PRKAR1B: variants seen among roughly 807,000 people sequenced by gnomAD.
PRKAR1B encodes the protein cAMP-dependent protein kinase type I-beta regulatory subunit.
A neutral mutation model predicts 46.5 loss-of-function variants in PRKAR1B; 22 were observed. That is an observed-to-expected ratio of 0.47 (90% CI 0.34 to 0.68). The LOEUF (loss-of-function observed/expected upper bound fraction) is 0.68. PRKAR1B is among the 30% of genes least tolerant of loss of function. PRKAR1B has a pLI of 0.01. For missense variants in PRKAR1B, 445 were observed against 535.6 expected (o/e 0.83, Z 1.67); for synonymous variants, 259 against 217.7 (o/e 1.19, Z -1.67).
intron 9 of PRKAR1B, among the ~76,000 whole-genome samples, chr7:576,352 C>G (rs1346569784): frequency 6.6e-6 from 1 of 152,190 alleles, no homozygotes; most frequent in African/African-American, 2.4e-5. Context: ...TTCATCCTTT[C>G]CCTCCTCCTT....
chr7:717,879 G>C (rs1780934903), intron 1 of PRKAR1B, among the ~76,000 whole-genome samples: 1 of 152,076 alleles, frequency 6.6e-6, no homozygotes, highest in South Asian at 2.1e-4. Context: ...AGTGTGTGTA[G>C]GTCCTGAGGC....
intron 8 of PRKAR1B, among the ~76,000 whole-genome samples, chr7:584,142 C>G (rs1235920555): frequency 6.6e-6 from 1 of 152,152 alleles, no homozygotes; most frequent in Non-Finnish European, 1.5e-5. Context: ...CCAGCTCACA[C>G]GTGTACCGGG....
chr7:579,461 G>A (rs565438520), intron 8 of PRKAR1B, 84 bp from the exon 9 acceptor site: 181 of 1,557,432 alleles, frequency 1.2e-4, no homozygotes, highest in South Asian at 4.7e-4. Flanking sequence ...CGCTCTTCCC[G>A]AAAGGTGTCC....
chr7:692,741 G>T (rs1397766072), intron 2 of PRKAR1B, among the ~76,000 whole-genome samples: 1 of 152,174 alleles, frequency 6.6e-6, no homozygotes, highest in African/African-American at 2.4e-5. Flanking sequence ...GAAGGTTGGG[G>T]AGGCAGGAAC....
At chr7:583,546 CCAA>C (rs1780387745) in intron 8 of PRKAR1B, among the ~76,000 whole-genome samples, 44 of 120,206 alleles carry the variant, frequency 3.7e-4, no homozygotes, top group African/African-American at 4.2e-4. Flanking sequence ...CACACACGTG[CCAA>C]ACACATGCGT....
At chr7:554,898 C>T (rs1038668648) in intron 9 of PRKAR1B, among the ~76,000 whole-genome samples, 2 of 152,220 alleles carry the variant, frequency 1.3e-5, no homozygotes, top group South Asian at 4.1e-4. Flanking sequence ...CATTTCATGG[C>T]TCGGAGGTGG....
rs111738036 is a variant in PRKAR1B at position 718,208 on chromosome 7, C to A, written c.-22-6681G>T. Among the ~76,000 whole-genome samples, 514 of 151,630 alleles carry A rather than the reference C, an allele frequency of 3.4e-3. 6 individuals are homozygous for A. Among genetic ancestry groups the A allele is most frequent in the African/African-American group, 0.012 (498 of 41,256 alleles). On this transcript the variant is annotated intron_variant, in intron 1 of 10. Coordinates refer to ENST00000537384, the MANE Select transcript of PRKAR1B (RefSeq NM_001164760.2). ...AGTAAAGCCATGCCTGGACTCCTGA[C>A]CCACAGACAGCCGGCCCCAGGCCTT...
At chr7:691,233 C>A (rs1779408043) in intron 2 of PRKAR1B, among the ~76,000 whole-genome samples, 1 of 152,220 alleles carries the variant, frequency 6.6e-6, no homozygotes, top group African/African-American at 2.4e-5. Context: ...CAGTCCACTG[C>A]AAATCCTACC....
At chr7:563,949 T>C (rs1270286909) in intron 9 of PRKAR1B, among the ~76,000 whole-genome samples, 1 of 152,110 alleles carries the variant, frequency 6.6e-6, no homozygotes, top group Non-Finnish European at 1.5e-5. Flanking sequence ...GGGTGCACAC[T>C]GGCTGATTAT....
rs1785941284 is a variant in PRKAR1B at position 666,560 on chromosome 7, C to G, written c.440+10669G>C. On this transcript the variant is annotated intron_variant, in intron 4 of 10. Transcript: ENST00000537384. This position sits in a 1 kb window ranked among gnomAD's most constrained non-coding sequence, Gnocchi z 4.9. ...GTGCCGTCCCAGGGGATAAGGACAC[C>G]CCACTCCAGCCCCAGCTGGACAATT... 6.6e-6 allele frequency among the ~76,000 whole-genome samples: 1 copy of G among 152,194 alleles called. No individual in the cohort carries two copies. Among genetic ancestry groups the G allele is most frequent in the Non-Finnish European group, 1.5e-5 (1 of 68,020 alleles).
intron 7 of PRKAR1B, among the ~76,000 whole-genome samples, chr7:587,978 A>G (rs1780694627): frequency 6.6e-6 from 1 of 152,232 alleles, no homozygotes; most frequent in African/African-American, 2.4e-5. Flanking sequence ...TGTGGGGCTC[A>G]GGCCGGGTTG....
chr7:660,748 C>G (rs1363862799), intron 4 of PRKAR1B, among the ~76,000 whole-genome samples: 1 of 124,518 alleles, frequency 8.0e-6, no homozygotes, highest in Non-Finnish European at 1.7e-5. Context: ...CCCAACGGGT[C>G]CAAATACCTA....
intron 4 of PRKAR1B, among the ~76,000 whole-genome samples, chr7:660,269 T>C (rs1785435168): frequency 1.3e-5 from 2 of 151,894 alleles, no homozygotes; most frequent in African/African-American, 4.8e-5. Flanking sequence ...CGAGTTCCCG[T>C]CTACCATAGC....
intron 9 of PRKAR1B, among the ~76,000 whole-genome samples, chr7:552,329 G>C (rs563983919): frequency 1.8e-3 from 22 of 11,980 alleles, no homozygotes; most frequent in South Asian, 2.9e-3. Context: ...GGTCCTTCCC[G>C]CAGAGCCACT....
chr7:549,858 G>A lies in PRKAR1B; in HGVS notation c.*572C>T, dbSNP rs1324005936. The A allele has an allele frequency of 2.6e-5, 4 of 155,802 alleles. No homozygotes were observed. The highest frequency in any genetic ancestry group is 1.9e-4 in the South Asian group (1 of 5,190). 9.7% of individuals were successfully genotyped at this position (155,802 alleles called of 1,614,324 possible). A position where few individuals can be genotyped will look rare whatever the true frequency, so the allele number is the denominator to read the frequency against. On this transcript the variant is annotated 3_prime_UTR_variant, in exon 11 of 11. Transcript: ENST00000537384. ...CAGAGACTCTCCCACTCCGGCATCC[G>A]CAGCAGGGCCCCCGGGGGAGGTGGG...
chr7:727,398 C>T, upstream of PRKAR1B: 6 of 763,946 alleles, frequency 7.9e-6, no homozygotes, highest in Non-Finnish European at 1.0e-5. Context: ...TCACAACCCC[C>T]GCGGCTCGGC....
At chr7:573,486 G>A (rs1282933718) in intron 9 of PRKAR1B, among the ~76,000 whole-genome samples, 1 of 152,044 alleles carries the variant, frequency 6.6e-6, no homozygotes, top group East Asian at 1.9e-4. Flanking sequence ...TCCTGCGGAG[G>A]GGCAGCCAGC....
intron 9 of PRKAR1B, among the ~76,000 whole-genome samples, chr7:561,626 G>A (rs956097962): frequency 6.6e-5 from 10 of 152,198 alleles, no homozygotes; most frequent in African/African-American, 2.4e-4. Context: ...GGCCCGGCTG[G>A]CCGAGACGGA....
chr7:643,751 A>C (rs866957734), intron 4 of PRKAR1B, among the ~76,000 whole-genome samples: 1 of 151,992 alleles, frequency 6.6e-6, no homozygotes, highest in Middle Eastern at 3.4e-3. Flanking sequence ...GCTTCCTGGA[A>C]TACCAGCTAT....
Sources: allele counts gnomAD v4.1 joint callset (sites outside exome capture counted in the v4.1 genomes callset), GRCh38; gene constraint gnomAD v4.1.1; non-coding constraint Gnocchi (gnomAD v3.1); transcripts MANE v1.5; gene names NCBI Gene and HGNC (gene_info 2026-07-23, HGNC 2026-07-21).